Variants in TSSK3 observed in about 807,000 individuals in gnomAD.
TSSK3 encodes testis-specific serine/threonine-protein kinase 3.
Under a neutral mutation model 18.9 loss-of-function variants are expected in TSSK3, and 16 were observed. The ratio of observed to expected loss-of-function variants is 0.85; its 90% CI spans 0.57 to 1.28. The LOEUF (loss-of-function observed/expected upper bound fraction) is 1.28, where lower values mean the gene tolerates loss of function less well. Ranked by LOEUF, TSSK3 falls within the 50% of genes most tolerant of loss-of-function variation. TSSK3 has a pLI of 0.00. For synonymous variants in TSSK3, 146 were observed against 133.9 expected, an observed-to-expected ratio of 1.09 and a Z score of -0.62; for missense variants, 345 against 341.0, an observed-to-expected ratio of 1.01 and a Z score of -0.09.
In TSSK3 at chr1:32,364,007, C is replaced by T. The variant is rs550081042; in HGVS notation, c.558C>T (p.His186=). Residue 186 remains histidine, a synonymous_variant, in exon 2 of 2, where the codon CAC becomes CAT. Coordinates refer to ENST00000373534, the MANE Select transcript of TSSK3 (RefSeq NM_052841.4). Reference sequence around the variant, plus strand: ...CCGAGGTGCTGCAGGGCATTCCCCACGATAGCAAAAAAGGTGATGTCTGGA... The same window carrying T: ...CCGAGGTGCTGCAGGGCATTCCCCATGATAGCAAAAAAGGTGATGTCTGGA... The part of the protein sequence containing the change: ...AAPEVLQGIP[H]DSKKGDVWSM... 6.9e-5 allele frequency: 112 copies of T among 1,614,234 alleles called. 1 individual carries two copies. In the South Asian group the frequency reaches 1.1e-3, roughly 16 times the overall value.
chr1:32,364,173 C>T lies in TSSK3; in HGVS notation c.724C>T (p.Leu242Phe). ...LSISADCQDL[L>F]KRLLEPDMIL... is the part of the protein sequence containing the mutation. ...CATCTCGGCCGATTGCCAGGACCTGCTCAAGAGGCTCCTGGAACCCGATAT... is the reference window on the plus strand; with the variant it reads ...CATCTCGGCCGATTGCCAGGACCTGTTCAAGAGGCTCCTGGAACCCGATAT... The change falls in exon 2 of 2, where the codon CTC becomes TTC. Residue 242 changes from leucine (L) to phenylalanine (F), a missense_variant. Transcript: ENST00000373534. 6.2e-7 allele frequency: 1 copy of T among 1,614,000 alleles called. No individual in the cohort carries two copies. The highest frequency in any genetic ancestry group is 1.3e-5 in the African/African-American group (1 of 75,038).
chr1:32,362,953 G>T, intron 1 of TSSK3, 107 bp downstream of exon 1: 2 of 1,412,856 alleles, frequency 1.4e-6, no homozygotes, highest in South Asian at 2.6e-5. Flanking sequence ...GCTCCCGCTG[G>T]CCTGGAACCA....
At position 32,363,733 on chromosome 1, in the gene TSSK3, A is replaced by G. The variant is rs1345872588; in HGVS notation, c.284A>G (p.Asp95Gly). The change falls in exon 2 of 2, where the codon GAT (aspartate) becomes GGT (glycine). Residue 95 changes from aspartate to glycine, a missense_variant. By Grantham distance (94) the Asp-to-Gly change is moderately conservative. Transcript: ENST00000373534. ...CLVMELAEGG[D>G]VFDCVLNGGP... is the part of the protein sequence containing the mutation. ...GTGATGGAGCTCGCTGAGGGAGGGG[A>G]TGTCTTTGACTGCGTGCTGAATGGG... 1 of 1,614,174 alleles carries G rather than the reference A, an allele frequency of 6.2e-7. No homozygotes were observed. The highest frequency in any genetic ancestry group is 8.5e-7 in the Non-Finnish European group (1 of 1,180,030).
Position 32,364,238 on chromosome 1 carries a change from A to G in TSSK3, c.789A>G (p.Pro263=), listed in dbSNP as rs1641772150. The change falls in exon 2 of 2, where the codon CCA becomes CCG. Residue 263 remains proline, a synonymous_variant. Coordinates refer to ENST00000373534, the MANE Select transcript of TSSK3 (RefSeq NM_052841.4). ...CAATTGAAGAAGTTAGTTGGCATCC[A>G]TGGCTAGCAAGCACTTGATAAAAGC... is the stretch of plus-strand genomic sequence containing the variant. ...RPSIEEVSWH[P]WLAST The G allele has an allele frequency of 6.3e-7, 1 of 1,598,644 alleles. No homozygotes were observed. The highest frequency in any genetic ancestry group is 8.6e-7 in the Non-Finnish European group (1 of 1,168,408).
chr1:32,362,868 G>A, intron 1 of TSSK3, 22 bp downstream of exon 1: 1 of 1,613,458 alleles, frequency 6.2e-7, no homozygotes, highest in Non-Finnish European at 8.5e-7. Flanking sequence ...CCCCTTTGGA[G>A]GGAAGGAGGG....
rs1641769571 is a variant in TSSK3 at position 32,364,164 on chromosome 1, C to G, written c.715C>G (p.Gln239Glu). The change falls in exon 2 of 2, where the codon CAG (glutamine) becomes GAG (glutamate). Residue 239 changes from glutamine to glutamate, a missense_variant. Transcript: ENST00000373534. Reference protein sequence around the residue: ...PTHLSISADCQDLLKRLLEPD... With the variant: ...PTHLSISADCEDLLKRLLEPD... ...TCATCTGAGCATCTCGGCCGATTGC[C>G]AGGACCTGCTCAAGAGGCTCCTGGA... The G allele has an allele frequency of 6.2e-7, 1 of 1,614,064 alleles. No homozygotes were observed. Among genetic ancestry groups the G allele is most frequent in the Non-Finnish European group, 8.5e-7 (1 of 1,180,038 alleles).
In TSSK3 at chr1:32,362,697, A is replaced by G; in HGVS notation, c.-5A>G. The G allele has an allele frequency of 6.2e-7, 1 of 1,614,180 alleles. No homozygotes were observed. Among genetic ancestry groups the G allele is most frequent in the Non-Finnish European group, 8.5e-7 (1 of 1,180,026 alleles). ...GAGGGTGATAGGAAGGCGGCGCTAG[A>G]CAGCATGGAGGACTTTCTGCTCTCC... On this transcript the variant is annotated 5_prime_UTR_variant, in exon 1 of 2. Transcript: ENST00000373534.
chr1:32,363,631 T>C lies in TSSK3; in HGVS notation c.182T>C (p.Ile61Thr). 6.2e-7 allele frequency: 1 copy of C among 1,613,730 alleles called. No homozygotes were observed. The highest frequency in any genetic ancestry group is 8.5e-7 in the Non-Finnish European group (1 of 1,179,678). ...AGATTCCTCCCTCGGGAGCTCCAAATCGTCCGTACCCTGGACCACAAGAAC... is the reference window on the plus strand; with the variant it reads ...AGATTCCTCCCTCGGGAGCTCCAAACCGTCCGTACCCTGGACCACAAGAAC... ...IQRFLPRELQIVRTLDHKNII... is the reference protein window; with the variant it reads ...IQRFLPRELQTVRTLDHKNII... The change falls in exon 2 of 2, where the codon ATC (isoleucine) becomes ACC (threonine). Residue 61 changes from isoleucine (I) to threonine (T), a missense_variant. Ile to Thr is a moderately conservative substitution (Grantham distance 89). Coordinates refer to ENST00000373534, the MANE Select transcript of TSSK3 (RefSeq NM_052841.4).
Position 32,362,672 on chromosome 1 carries a change from G to A in TSSK3, c.-30G>A. On this transcript the variant is annotated 5_prime_UTR_variant, in exon 1 of 2. Coordinates refer to ENST00000373534, the MANE Select transcript of TSSK3 (RefSeq NM_052841.4). ...GCCTCTCAGAGGCAGCATGAGCTGA[G>A]AGGGTGATAGGAAGGCGGCGCTAGA... is the stretch of plus-strand genomic sequence containing the variant. The A allele has an allele frequency of 6.2e-7, 1 of 1,613,194 alleles. No individual in the cohort carries two copies. The highest frequency in any genetic ancestry group is 8.5e-7 in the Non-Finnish European group (1 of 1,179,506).
At chr1:32,363,566 GC>G (rs767463554) in intron 1 of TSSK3, 28 bp from the exon 2 acceptor site, 4 of 1,584,254 alleles carry the variant, frequency 2.5e-6, no homozygotes, top group Non-Finnish European at 3.4e-6. Context: ...TGATCTGCCA[GC>G]CCATCTCTCC....
At position 32,362,668 on chromosome 1, in the gene TSSK3, C is replaced by G; in HGVS notation, c.-34C>G. 1 of 1,612,594 alleles carries G rather than the reference C, an allele frequency of 6.2e-7. No individual in the cohort carries two copies. On this transcript the variant is annotated 5_prime_UTR_variant, in exon 1 of 2. Transcript: ENST00000373534. The stretch of plus-strand genomic sequence containing the variant: ...AGCTGCCTCTCAGAGGCAGCATGAG[C>G]TGAGAGGGTGATAGGAAGGCGGCGC...
rs150659219 is a variant in TSSK3, at chr1:32,363,824, C to T, written c.375C>T (p.Cys125=). 37 of 1,614,192 alleles carry T rather than the reference C, an allele frequency of 2.3e-5. No homozygotes were observed. The African/African-American group carries it at 4.8e-4, about 21-fold the overall frequency. The change falls in exon 2 of 2, where the codon TGC becomes TGT. Residue 125 remains cysteine (C), a synonymous_variant. Coordinates refer to ENST00000373534, the MANE Select transcript of TSSK3 (RefSeq NM_052841.4). The part of the protein sequence containing the change: ...FRQMVEAIRY[C]HGCGVAHRDL... ...AGATGGTTGAGGCCATCCGCTACTG[C>T]CATGGCTGTGGTGTGGCCCACCGGG...
intron 1 of TSSK3, 55 bp from the exon 2 acceptor site, chr1:32,363,540 A>C: frequency 6.5e-7 from 1 of 1,536,588 alleles, no homozygotes; most frequent in Non-Finnish European, 8.9e-7. Flanking sequence ...GACAGGTGTG[A>C]GGAGGTGGGC....
rs906366941 is a variant in TSSK3, at chr1:32,364,181, G to T, written c.732G>T (p.Arg244Ser). 6.2e-7 allele frequency: 1 copy of T among 1,613,688 alleles called. No homozygotes were observed. Among genetic ancestry groups the T allele is most frequent in the East Asian group, 2.2e-5 (1 of 44,876 alleles). ...ISADCQDLLK[R>S]LLEPDMILRP... ...CCGATTGCCAGGACCTGCTCAAGAG[G>T]CTCCTGGAACCCGATATGATCCTCC... Residue 244 changes from arginine (R) to serine (S), a missense_variant, in exon 2 of 2, where the codon AGG (arginine) becomes AGT (serine). Arg to Ser is a moderately radical substitution (Grantham distance 110). Transcript: ENST00000373534.
intron 1 of TSSK3, 135 bp from the exon 2 acceptor site, chr1:32,363,460 C>T (rs754221776): frequency 2.3e-5 from 18 of 788,276 alleles, no homozygotes; most frequent in Non-Finnish European, 3.4e-5. Flanking sequence ...AGCAGCTAGA[C>T]ACACTTAAGA....
rs1557627819 is a variant in TSSK3, at chr1:32,363,838, T to C, written c.389T>C (p.Val130Ala). ...ATCCGCTACTGCCATGGCTGTGGTG[T>C]GGCCCACCGGGACCTCAAATGTGAG... Reference protein sequence around the residue: ...EAIRYCHGCGVAHRDLKCENA... With the variant: ...EAIRYCHGCGAAHRDLKCENA... The change falls in exon 2 of 2, where the codon GTG (valine) becomes GCG (alanine). Residue 130 changes from valine (V) to alanine (A), a missense_variant. Val to Ala is a moderately conservative substitution (Grantham distance 64). Transcript: ENST00000373534. The C allele has an allele frequency of 4.3e-6, 7 of 1,614,202 alleles. No homozygotes were observed. Among genetic ancestry groups the C allele is most frequent in the Non-Finnish European group, 5.1e-6 (6 of 1,180,038 alleles).
rs766388522 is a variant in TSSK3, at chr1:32,363,653, G to T, written c.204G>T (p.Lys68Asn). 6.2e-7 allele frequency: 1 copy of T among 1,614,202 alleles called. No homozygotes were observed. The highest frequency in any genetic ancestry group is 1.1e-5 in the South Asian group (1 of 91,084). The change falls in exon 2 of 2, where the codon AAG (lysine) becomes AAT (asparagine). Residue 68 changes from lysine to asparagine, a missense_variant. Lys to Asn is a moderately conservative substitution (Grantham distance 94, BLOSUM62 0). Coordinates refer to ENST00000373534, the MANE Select transcript of TSSK3 (RefSeq NM_052841.4). Reference protein sequence around the residue: ...ELQIVRTLDHKNIIQVYEMLE... With the variant: ...ELQIVRTLDHNNIIQVYEMLE... ...AAATCGTCCGTACCCTGGACCACAA[G>T]AACATCATCCAGGTGTATGAGATGC...
At chr1:32,363,490 A>G (rs1220042764) in intron 1 of TSSK3, 105 bp from the exon 2 acceptor site, 6 of 1,121,910 alleles carry the variant, frequency 5.3e-6, no homozygotes, top group Admixed American at 2.6e-5. Flanking sequence ...AAGCCAAGAA[A>G]TAAGACCCAG....
At position 32,363,653 on chromosome 1, in the gene TSSK3, G is replaced by C. The variant is rs766388522; in HGVS notation, c.204G>C (p.Lys68Asn). The stretch of plus-strand genomic sequence containing the variant: ...AAATCGTCCGTACCCTGGACCACAA[G>C]AACATCATCCAGGTGTATGAGATGC... ...ELQIVRTLDH[K>N]NIIQVYEMLE... Residue 68 changes from lysine to asparagine, a missense_variant, in exon 2 of 2, where the codon AAG becomes AAC. Lys to Asn is a moderately conservative substitution (Grantham distance 94). Transcript: ENST00000373534. 11 of 1,614,202 alleles carry C rather than the reference G, an allele frequency of 6.8e-6. No individual in the cohort carries two copies. Among genetic ancestry groups the C allele is most frequent in the Non-Finnish European group, 9.3e-6 (11 of 1,180,036 alleles).
Sources: gnomAD v4.1 joint callset for allele counts on GRCh38, gnomAD v4.1.1 for gene constraint, MANE v1.5 for transcripts, NCBI Gene and HGNC (gene_info 2026-07-23, HGNC 2026-07-21) for gene names.